B3GALT1: variants seen among roughly 807,000 people sequenced by gnomAD.
The protein encoded by B3GALT1 is UDP-Gal:betaGlcNAc beta 1,3-galactosyltransferase, polypeptide 1.
B3GALT1 carries 10 observed loss-of-function variants against 23.2 expected under a neutral mutation model. The observed-to-expected ratio is 0.43, with a 90% CI of 0.27 to 0.73. B3GALT1 has a LOEUF of 0.73. Ranked by LOEUF, B3GALT1 falls within the 30% of genes least tolerant of loss-of-function variation. The pLI is 0.21. For missense variants in B3GALT1, 299 were observed against 405.4 expected (o/e 0.74, Z 2.25); for synonymous variants, 156 against 141.5 (o/e 1.10, Z -0.73).
rs567106556 is a variant in B3GALT1, at chr2:167,835,592, C to T, written c.-230+16799C>T. Among the ~76,000 whole-genome samples, 11 of 152,172 alleles carry T rather than the reference C, an allele frequency of 7.2e-5. No individual in the cohort carries two copies. The South Asian group carries it at 2.3e-3, about 31-fold the overall frequency. On this transcript the variant is annotated intron_variant, in intron 4 of 4. Coordinates refer to ENST00000392690, the MANE Select transcript of B3GALT1 (RefSeq NM_020981.4). ...GGGCTGCCTGCCTCTGTAGGCTCCA[C>T]CTCTGGGGGCAGGGCACAGACAAAC...
intron 1 of B3GALT1, among the ~76,000 whole-genome samples, chr2:167,483,067 G>T (rs548804369): frequency 6.6e-5 from 10 of 152,082 alleles, no homozygotes; most frequent in Non-Finnish European, 1.0e-4. Context: ...GTGGAGGCAG[G>T]CAGATCACCT....
At chr2:167,576,926 T>C (rs1684398633) in intron 2 of B3GALT1, among the ~76,000 whole-genome samples, 1 of 151,738 alleles carries the variant, frequency 6.6e-6, no homozygotes, top group African/African-American at 2.4e-5. Context: ...GAGAAAGTAA[T>C]GGAGAAAACA....
chr2:167,605,459 G>A (rs1231798046), intron 2 of B3GALT1, among the ~76,000 whole-genome samples: 2 of 136,964 alleles, frequency 1.5e-5, no homozygotes, highest in East Asian at 2.2e-4. Flanking sequence ...GGTTGGTACC[G>A]ATTGTCACCT....
At chr2:167,424,956 G>A (rs1044229163) in intron 1 of B3GALT1, among the ~76,000 whole-genome samples, 2 of 152,134 alleles carry the variant, frequency 1.3e-5, no homozygotes, top group Non-Finnish European at 2.9e-5. Context: ...AACCAAATGC[G>A]CACACATATG....
At chr2:167,533,966 G>C (rs904407003) in intron 2 of B3GALT1, among the ~76,000 whole-genome samples, 1 of 151,946 alleles carries the variant, frequency 6.6e-6, no homozygotes, top group Non-Finnish European at 1.5e-5. Flanking sequence ...ATATTCTACT[G>C]TCTTCTAAAC....
intron 2 of B3GALT1, among the ~76,000 whole-genome samples, chr2:167,491,962 G>A (rs921784333): frequency 2.0e-5 from 3 of 152,186 alleles, no homozygotes; most frequent in African/African-American, 7.2e-5. Context: ...TACAAGTGAT[G>A]ACTCAGTATT....
chr2:167,729,002 TAAGTTGA>T (rs1159673567), intron 3 of B3GALT1, among the ~76,000 whole-genome samples: 2 of 152,210 alleles, frequency 1.3e-5, no homozygotes, highest in African/African-American at 4.8e-5. Context: ...ATTGGTTGAA[TAAGTTGA>T]CTGTCTATCC....
At chr2:167,590,964 G>T (rs1175656797) in intron 2 of B3GALT1, among the ~76,000 whole-genome samples, 1 of 152,056 alleles carries the variant, frequency 6.6e-6, no homozygotes, top group Non-Finnish European at 1.5e-5. Flanking sequence ...CATTTTTTAT[G>T]CATTCTTAAA....
At chr2:167,394,770 A>T (rs2105285210) in intron 1 of B3GALT1, among the ~76,000 whole-genome samples, 1 of 152,296 alleles carries the variant, frequency 6.6e-6, no homozygotes, top group Non-Finnish European at 1.5e-5. Flanking sequence ...AAAATTGTAG[A>T]ACACAGAATA....
intron 3 of B3GALT1, among the ~76,000 whole-genome samples, chr2:167,798,827 A>G (rs1006222741): frequency 4.6e-5 from 7 of 152,088 alleles, no homozygotes; most frequent in Non-Finnish European, 1.0e-4. Context: ...AGTTTTGGCA[A>G]TTTTTTCACA....
intron 2 of B3GALT1, among the ~76,000 whole-genome samples, chr2:167,517,766 T>C (rs1332255947): frequency 6.6e-6 from 1 of 152,108 alleles, no homozygotes; most frequent in Non-Finnish European, 1.5e-5. Context: ...TTACTTTCTT[T>C]GACAGGTTTA....
In B3GALT1 at chr2:167,818,659, G is replaced by A. The variant is rs1441563159; in HGVS notation, c.-351-13G>A. ...TATTTCTAAATTTTTCTCTCTTCTT[G>A]GTGTCCACTTAGGGCTACGCAGCTT... On this transcript the variant is annotated splice_polypyrimidine_tract_variant and intron_variant, in intron 3 of 4. Coordinates refer to ENST00000392690, the MANE Select transcript of B3GALT1 (RefSeq NM_020981.4). Among the ~76,000 whole-genome samples, 4 of 151,830 alleles carry A rather than the reference G, an allele frequency of 2.6e-5. No homozygotes were observed. The highest frequency in any genetic ancestry group is 7.3e-5 in the African/African-American group (3 of 41,356).
intron 4 of B3GALT1, among the ~76,000 whole-genome samples, chr2:167,825,346 C>T (rs896071954): frequency 2.0e-5 from 3 of 149,230 alleles, no homozygotes; most frequent in Non-Finnish European, 3.0e-5. Flanking sequence ...GAAAAGAAGG[C>T]CTAGGACCTT....
chr2:167,312,129 A>G (rs1366503855), intron 1 of B3GALT1, among the ~76,000 whole-genome samples: 1 of 152,074 alleles, frequency 6.6e-6, no homozygotes, highest in Non-Finnish European at 1.5e-5. Flanking sequence ...AAACTAAACA[A>G]GAATCCTGAG....
Position 167,716,052 on chromosome 2 carries a change from C to A in B3GALT1, c.-352+69086C>A, listed in dbSNP as rs1055064150. 9 of 1,594,378 alleles carry A rather than the reference C, an allele frequency of 5.6e-6. No individual in the cohort carries two copies. In the African/African-American group the frequency reaches 1.2e-4, roughly 21 times the overall value. On this transcript the variant is annotated intron_variant, in intron 3 of 4. Transcript: ENST00000392690. ...CCCCAAGTAGGGCCGAGCGGTAGCG[C>A]CGGGCTCCTCCATAGCGCCAAGCTG...
intron 2 of B3GALT1, among the ~76,000 whole-genome samples, chr2:167,567,014 A>T (rs1464771500): frequency 6.6e-6 from 1 of 152,204 alleles, no homozygotes; most frequent in African/African-American, 2.4e-5. Flanking sequence ...TAGCACAGAG[A>T]ATTACATTTT....
At chr2:167,584,318 C>T (rs1400367729) in intron 2 of B3GALT1, among the ~76,000 whole-genome samples, 1 of 152,118 alleles carries the variant, frequency 6.6e-6, no homozygotes, top group African/African-American at 2.4e-5. Context: ...CCTTTATCCC[C>T]TTGAAGCATT....
rs1332137872 is a variant in B3GALT1, at chr2:167,430,604, A to G, written c.-510-59573A>G. ...TTGAAGTTAGAATCAACAAGCTGTG[A>G]TGAAGGATTCCATGTTGGATGTCAG... On this transcript the variant is annotated intron_variant, in intron 1 of 4. Transcript: ENST00000392690. Among the ~76,000 whole-genome samples, 5 of 145,146 alleles carry G rather than the reference A, an allele frequency of 3.4e-5. No homozygotes were observed. The Admixed American group carries it at 3.6e-4, about 11-fold the overall frequency.
At chr2:167,723,147 C>A (rs1295899098) in intron 3 of B3GALT1, among the ~76,000 whole-genome samples, 1 of 152,196 alleles carries the variant, frequency 6.6e-6, no homozygotes, top group East Asian at 1.9e-4. Context: ...AACTTCATAG[C>A]AAATATAGTT....
Sources: gnomAD v4.1 joint callset for allele counts (sites outside exome capture counted in the v4.1 genomes callset) on GRCh38, gnomAD v4.1.1 for gene constraint, MANE v1.5 for transcripts, NCBI Gene and HGNC (gene_info 2026-07-23, HGNC 2026-07-21) for gene names.